ANKRD6: variants seen among roughly 807,000 people sequenced by gnomAD.
ANKRD6 encodes the protein ankyrin repeat domain 6.
ANKRD6 carries 56 observed loss-of-function variants against 82.3 expected under a neutral mutation model. That is an observed-to-expected ratio of 0.68 (90% CI 0.55 to 0.85). The LOEUF is 0.85. Ranked by LOEUF, ANKRD6 falls within the 40% of genes least tolerant of loss-of-function variation. ANKRD6 has a pLI of 0.00. For synonymous variants in ANKRD6, 347 were observed against 352.1 expected, an observed-to-expected ratio of 0.99 and a Z score of 0.16; for missense variants, 852 against 907.6, an observed-to-expected ratio of 0.94 and a Z score of 0.79.
At chr6:89,482,764 G>A (rs1776956741) in intron 1 of ANKRD6, among the ~76,000 whole-genome samples, 1 of 152,118 alleles carries the variant, frequency 6.6e-6, no homozygotes, top group Admixed American at 6.6e-5. Flanking sequence ...TATTGAGGAT[G>A]GTCATACCCC....
At chr6:89,565,725 C>T (rs182854986) in intron 1 of ANKRD6, among the ~76,000 whole-genome samples, 1 of 152,340 alleles carries the variant, frequency 6.6e-6, no homozygotes, top group African/African-American at 2.4e-5. Context: ...ATGGCTGCAT[C>T]TTCCAGACCT....
intron 1 of ANKRD6, among the ~76,000 whole-genome samples, chr6:89,485,684 C>CT (rs1351936842): frequency 3.9e-5 from 6 of 152,160 alleles, no homozygotes; most frequent in Non-Finnish European, 5.9e-5. Context: ...CTAGACAACT[C>CT]TGACGAGGCA....
At chr6:89,555,123 T>G (rs1002769645) in intron 1 of ANKRD6, among the ~76,000 whole-genome samples, 6 of 134,946 alleles carry the variant, frequency 4.4e-5, no homozygotes. Flanking sequence ...CCTCAGCGTT[T>G]TTTTATATAG....
At chr6:89,482,987 T>C (rs1014057231) in intron 1 of ANKRD6, among the ~76,000 whole-genome samples, 4 of 152,224 alleles carry the variant, frequency 2.6e-5, no homozygotes, top group African/African-American at 9.7e-5. Context: ...TTGTCTCATA[T>C]TGATCTATAA....
chr6:89,624,095 C>T, intron 12 of ANKRD6, 38 bp downstream of exon 12: 1 of 1,560,862 alleles, frequency 6.4e-7, no homozygotes, highest in Middle Eastern at 1.7e-4. Context: ...GGAACATAGG[C>T]CTTCAGCAAG....
chr6:89,501,159 C>T (rs1204237438), intron 1 of ANKRD6, among the ~76,000 whole-genome samples: 1 of 152,106 alleles, frequency 6.6e-6, no homozygotes, highest in Non-Finnish European at 1.5e-5. Flanking sequence ...TTGAGGTTTA[C>T]TTGTCTTTAT....
At chr6:89,603,154 C>CTTA in intron 4 of ANKRD6, 27 bp downstream of exon 4, 1 of 1,573,910 alleles carries the variant, frequency 6.4e-7, no homozygotes, top group Non-Finnish European at 8.6e-7. Context: ...CTTCCTTACT[C>CTTA]CCCAAGGCAA....
At chr6:89,630,193 G>A (rs1001151719) in intron 15 of ANKRD6, among the ~76,000 whole-genome samples, 5 of 152,210 alleles carry the variant, frequency 3.3e-5, no homozygotes, top group Non-Finnish European at 7.3e-5. Context: ...AATGGGACCA[G>A]TGTGGCTAAC....
chr6:89,600,048 G>C (rs117248984), intron 3 of ANKRD6, among the ~76,000 whole-genome samples: 3 of 152,254 alleles, frequency 2.0e-5, no homozygotes, highest in Non-Finnish European at 4.4e-5. Context: ...AGCAGCTTAG[G>C]ACACTATGTG....
At chr6:89,460,093 CA>C (rs1773943011) in intron 1 of ANKRD6, among the ~76,000 whole-genome samples, 2 of 150,482 alleles carry the variant, frequency 1.3e-5, no homozygotes, top group Non-Finnish European at 1.5e-5. Flanking sequence ...GGCTCTTCCT[CA>C]TGTTTCCAAA....
At chr6:89,453,466 T>C (rs1026935945) in intron 1 of ANKRD6, among the ~76,000 whole-genome samples, 7 of 152,202 alleles carry the variant, frequency 4.6e-5, no homozygotes, top group Non-Finnish European at 8.8e-5. Flanking sequence ...ATATAACTTA[T>C]GATATACAAC....
At position 89,595,385 on chromosome 6, in the gene ANKRD6, C is replaced by T. The variant is rs151234601; in HGVS notation, c.121-531C>T. 4.4e-3 allele frequency among the ~76,000 whole-genome samples: 668 copies of T among 151,732 alleles called. 21 individuals carry two copies. The highest frequency in any genetic ancestry group is 0.041 in the Admixed American group (625 of 15,220). Reference sequence around the variant, plus strand: ...AGGTTGTGGGGAGCCGAGATGGCGTCGCTGCACTGCAGTCTGGGTGAGAGA... The same window carrying T: ...AGGTTGTGGGGAGCCGAGATGGCGTTGCTGCACTGCAGTCTGGGTGAGAGA... On this transcript the variant is annotated intron_variant, in intron 2 of 15. Coordinates refer to ENST00000339746, the MANE Select transcript of ANKRD6 (RefSeq NM_001242809.2).
chr6:89,605,403 G>A (rs1204348427), intron 4 of ANKRD6, among the ~76,000 whole-genome samples: 1 of 152,150 alleles, frequency 6.6e-6, no homozygotes, highest in Non-Finnish European at 1.5e-5. Context: ...CACACATTGA[G>A]GATACTTGTT....
chr6:89,622,490 T>G (rs756166006), intron 10 of ANKRD6, among the ~76,000 whole-genome samples: 3 of 152,292 alleles, frequency 2.0e-5, no homozygotes, highest in Non-Finnish European at 4.4e-5. Flanking sequence ...GAACAAGCCC[T>G]CCAGGGGATT....
intron 14 of ANKRD6, 59 bp from the exon 15 acceptor site, chr6:89,629,053 T>C (rs1003587526): frequency 2.0e-6 from 3 of 1,537,190 alleles, no homozygotes; most frequent in African/African-American, 2.8e-5. Context: ...ATAAACCATG[T>C]ATCAAATTCA....
At chr6:89,504,255 C>A (rs540348138) in intron 1 of ANKRD6, among the ~76,000 whole-genome samples, 5 of 151,926 alleles carry the variant, frequency 3.3e-5, no homozygotes, top group Non-Finnish European at 5.9e-5. Flanking sequence ...GGAGAATGAT[C>A]GTATCCATTT....
intron 1 of ANKRD6, among the ~76,000 whole-genome samples, chr6:89,560,282 C>T (rs983794671): frequency 3.9e-5 from 6 of 152,200 alleles, no homozygotes; most frequent in African/African-American, 9.6e-5. Flanking sequence ...GGTTCAGTTT[C>T]GGGTGATGGC....
At chr6:89,521,818 A>G (rs1000725032) in intron 1 of ANKRD6, among the ~76,000 whole-genome samples, 4 of 152,138 alleles carry the variant, frequency 2.6e-5, no homozygotes, top group African/African-American at 7.2e-5. Flanking sequence ...GAGTTCAAAT[A>G]TAAGTCTCCA....
chr6:89,470,576 G>A (rs745367256), intron 1 of ANKRD6, among the ~76,000 whole-genome samples: 3 of 152,112 alleles, frequency 2.0e-5, no homozygotes, highest in Non-Finnish European at 4.4e-5. Context: ...AGCTGAGATC[G>A]TGCCACTGCA....
Sources: allele counts gnomAD v4.1 joint callset (sites outside exome capture counted in the v4.1 genomes callset), GRCh38; gene constraint gnomAD v4.1.1; transcripts MANE v1.5; gene names NCBI Gene and HGNC (gene_info 2026-07-23, HGNC 2026-07-21).